KCNH7: variants seen among roughly 807,000 people sequenced by gnomAD.
KCNH7 encodes voltage-gated inwardly rectifying potassium channel KCNH7.
In KCNH7, 49 loss-of-function variants were observed where a neutral mutation model predicts 120.8. The ratio of observed to expected loss-of-function variants is 0.41; its 90% CI spans 0.32 to 0.51. KCNH7 has a LOEUF of 0.51. Among genes scored for constraint, KCNH7 ranks in the 20% least tolerant of loss-of-function variants. The pLI is 0.38. For synonymous variants in KCNH7, 547 were observed against 516.1 expected, an observed-to-expected ratio of 1.06 and a Z score of -0.81; for missense variants, 1,097 against 1,446.6, an observed-to-expected ratio of 0.76 and a Z score of 3.92.
intron 2 of KCNH7, chr2:162,768,850 G>A (rs1682926988): frequency 6.6e-6 from 1 of 152,292 alleles, no homozygotes; most frequent in Non-Finnish European, 1.5e-5. Context: ...AAGGAGGGGT[G>A]AAGAGGAGAG....
intron 2 of KCNH7, among the ~76,000 whole-genome samples, chr2:162,577,291 G>GTCTGTCTATCTATCTA (rs375524449): frequency 1.6e-5 from 2 of 127,340 alleles, no homozygotes; most frequent in African/African-American, 5.8e-5. Context: ...AGATCTATCT[G>GTCTGTCTATCTATCTA]TCTATCTATC....
At chr2:162,621,357 A>G (rs1683352160) in intron 2 of KCNH7, among the ~76,000 whole-genome samples, 1 of 147,724 alleles carries the variant, frequency 6.8e-6, no homozygotes. Flanking sequence ...AGGAGCCACA[A>G]CACAATGACT....
At chr2:162,594,992 T>C (rs1045938538) in intron 2 of KCNH7, among the ~76,000 whole-genome samples, 3 of 152,024 alleles carry the variant, frequency 2.0e-5, no homozygotes, top group African/African-American at 7.2e-5. Context: ...GTTGAACATA[T>C]GTAAATCAAT....
At chr2:162,495,184 C>T (rs1182796986) in intron 6 of KCNH7, among the ~76,000 whole-genome samples, 14 of 152,048 alleles carry the variant, frequency 9.2e-5, no homozygotes, top group Admixed American at 8.5e-4. Flanking sequence ...GTTGTTTTAC[C>T]AAGGCTTTGA....
intron 2 of KCNH7, among the ~76,000 whole-genome samples, chr2:162,602,900 G>GGAGGAGGAGGAGGAGGGT (rs1408342197): frequency 1.3e-5 from 2 of 150,492 alleles, no homozygotes; most frequent in East Asian, 3.9e-4. Flanking sequence ...AATGTGAGGA[G>GGAGGAGGAGGAGGAGGGT]GAGGAGGAGG....
At chr2:162,444,143 T>G (rs549642251) in intron 7 of KCNH7, among the ~76,000 whole-genome samples, 1 of 152,300 alleles carries the variant, frequency 6.6e-6, no homozygotes, top group South Asian at 2.1e-4. Context: ...CTGAAACCTT[T>G]CTGCACTGTG....
chr2:162,729,348 C>A (rs557586249), intron 2 of KCNH7, among the ~76,000 whole-genome samples: 25 of 151,946 alleles, frequency 1.6e-4, no homozygotes, highest in Non-Finnish European at 3.4e-4. Flanking sequence ...TCTGAATATA[C>A]CCTATTTTGA....
intron 2 of KCNH7, among the ~76,000 whole-genome samples, chr2:162,722,441 G>A (rs973212708): frequency 1.3e-5 from 2 of 151,974 alleles, no homozygotes; most frequent in Admixed American, 1.3e-4. Context: ...TTTTTTTAAA[G>A]AGAAGCAACT....
chr2:162,751,532 T>C (rs1371753578), intron 2 of KCNH7, among the ~76,000 whole-genome samples: 1 of 151,978 alleles, frequency 6.6e-6, no homozygotes, highest in Non-Finnish European at 1.5e-5. Context: ...TAATTCATGA[T>C]ATAAAATATT....
chr2:162,522,570 T>C (rs1027674185), intron 3 of KCNH7, among the ~76,000 whole-genome samples: 7 of 151,932 alleles, frequency 4.6e-5, no homozygotes, highest in Admixed American at 3.9e-4. Context: ...AATCCTGTTA[T>C]GGATCTTAAC....
rs1293510176 is a variant in KCNH7 at position 162,658,173 on chromosome 2, C to CT, written c.308-121094dup. Among the ~76,000 whole-genome samples the CT allele has an allele frequency of 1.6e-3, 238 of 147,334 alleles. 2 individuals carry two copies. The highest frequency in any genetic ancestry group is 5.1e-3 in the African/African-American group (204 of 40,242). ...ACCAAATCTACTGGTACAGGCTCAG[C>CT]TTTTTTTTTTAATTATTGTTATTTT... On this transcript the variant is annotated intron_variant, in intron 2 of 15. Coordinates refer to ENST00000332142, the MANE Select transcript of KCNH7 (RefSeq NM_033272.4).
chr2:162,743,046 C>T (rs1363951230), intron 2 of KCNH7, among the ~76,000 whole-genome samples: 1 of 152,122 alleles, frequency 6.6e-6, no homozygotes, highest in African/African-American at 2.4e-5. Context: ...CTCAGGCTTC[C>T]CTTCTGTGAG....
At chr2:162,786,027 G>A (rs1377329798) in intron 2 of KCNH7, among the ~76,000 whole-genome samples, 2 of 152,082 alleles carry the variant, frequency 1.3e-5, no homozygotes, top group African/African-American at 4.8e-5. Context: ...CAGATCACAA[G>A]GTTAGCAGTT....
At chr2:162,575,836 A>T (rs1200868120) in intron 2 of KCNH7, among the ~76,000 whole-genome samples, 1 of 152,126 alleles carries the variant, frequency 6.6e-6, no homozygotes, top group Admixed American at 6.6e-5. Flanking sequence ...TTAAAAATTT[A>T]AAATTAGCTC....
intron 2 of KCNH7, among the ~76,000 whole-genome samples, chr2:162,654,089 T>TG (rs1684660112): frequency 7.2e-6 from 1 of 138,026 alleles, no homozygotes; most frequent in South Asian, 2.2e-4. Flanking sequence ...GTGTGAGCAA[T>TG]GATTTTTTTT....
intron 2 of KCNH7, among the ~76,000 whole-genome samples, chr2:162,729,160 A>C (rs939214430): frequency 1.5e-5 from 2 of 137,294 alleles, no homozygotes; most frequent in South Asian, 2.3e-4. Flanking sequence ...CAATATACCC[A>C]AATTTTTTTT....
At chr2:162,384,025 T>C (rs1271109357) in intron 13 of KCNH7, among the ~76,000 whole-genome samples, 3 of 151,872 alleles carry the variant, frequency 2.0e-5, no homozygotes, top group Admixed American at 2.0e-4. Context: ...TATGCTAAAA[T>C]AGTTGTTCTT....
intron 2 of KCNH7, among the ~76,000 whole-genome samples, chr2:162,683,507 G>C (rs927084107): frequency 6.6e-6 from 1 of 151,800 alleles, no homozygotes; most frequent in African/African-American, 2.4e-5. Flanking sequence ...AAACTTTCAA[G>C]GAAACTACTC....
chr2:162,728,133 T>A (rs900720174), intron 2 of KCNH7, among the ~76,000 whole-genome samples: 6 of 152,054 alleles, frequency 3.9e-5, no homozygotes, highest in African/African-American at 1.4e-4. Flanking sequence ...ACAGCTCTAG[T>A]TGATACACTC....
Sources: gnomAD v4.1 joint callset for allele counts (sites outside exome capture counted in the v4.1 genomes callset) on GRCh38, gnomAD v4.1.1 for gene constraint, MANE v1.5 for transcripts, NCBI Gene and HGNC (gene_info 2026-07-23, HGNC 2026-07-21) for gene names.